ANKS1B: variants seen among roughly 807,000 people sequenced by gnomAD.
ANKS1B encodes ankyrin repeat and sterile alpha motif domain-containing protein 1B.
Under a neutral mutation model 148.3 loss-of-function variants are expected in ANKS1B, and 36 were observed. The ratio of observed to expected loss-of-function variants is 0.24; its 90% CI spans 0.19 to 0.32. The LOEUF (loss-of-function observed/expected upper bound fraction) is 0.32. Ranked by LOEUF, ANKS1B falls within the 10% of genes least tolerant of loss-of-function variation. The pLI, the probability that ANKS1B is intolerant of heterozygous loss-of-function variation, is 1.00. For synonymous variants in ANKS1B, 542 were observed against 560.8 expected, an observed-to-expected ratio of 0.97 and a Z score of 0.47; for missense variants, 1,157 against 1,542.6, an observed-to-expected ratio of 0.75 and a Z score of 4.19.
At chr12:99,323,724 G>C (rs2085763221) in intron 12 of ANKS1B, among the ~76,000 whole-genome samples, 1 of 152,088 alleles carries the variant, frequency 6.6e-6, no homozygotes, top group Non-Finnish European at 1.5e-5. Context: ...GAGTAAGATG[G>C]GACAGAGAAA....
chr12:99,672,233 CA>C (rs967984939), intron 8 of ANKS1B, among the ~76,000 whole-genome samples: 1 of 152,070 alleles, frequency 6.6e-6, no homozygotes, highest in African/African-American at 2.4e-5. Flanking sequence ...GTACCCAGGA[CA>C]ATCAAAGACA....
At chr12:99,350,109 T>C (rs978181165) in intron 12 of ANKS1B, among the ~76,000 whole-genome samples, 1 of 152,012 alleles carries the variant, frequency 6.6e-6, no homozygotes. Context: ...TTTGGTGCTG[T>C]TCTCATGATA....
intron 15 of ANKS1B, among the ~76,000 whole-genome samples, chr12:99,142,767 C>T (rs919496972): frequency 1.2e-4 from 18 of 152,256 alleles, no homozygotes; most frequent in African/African-American, 4.3e-4. Context: ...CTCCCTGCAA[C>T]AAGAACCTCA....
At chr12:98,841,845 T>C (rs2153726089) in intron 17 of ANKS1B, among the ~76,000 whole-genome samples, 1 of 152,074 alleles carries the variant, frequency 6.6e-6, no homozygotes, top group South Asian at 2.1e-4. Flanking sequence ...CCTTATCTTC[T>C]GGAGAGTCAC....
At chr12:99,641,467 G>A (rs1196672820) in intron 9 of ANKS1B, among the ~76,000 whole-genome samples, 1 of 152,138 alleles carries the variant, frequency 6.6e-6, no homozygotes, top group African/African-American at 2.4e-5. Context: ...CAGGTATGAG[G>A]AGGGTATGAT....
rs142946908 is a variant in ANKS1B, at chr12:99,504,785, G to C, written c.1273-144C>G. On this transcript the variant is annotated intron_variant, in intron 9 of 26. Transcript: ENST00000683438. ...GATTCATCTGTTTGAATAAATTATA[G>C]AATCATGTAAACCCAATATCAGTGA... 3.4e-3 allele frequency: 2,152 copies of C among 625,864 alleles called. 8 individuals are homozygous for C. Among genetic ancestry groups the C allele is most frequent in the Middle Eastern group, 0.011 (25 of 2,292 alleles). The allele number at this position is 625,864 out of a possible 1,614,324, so 38.8% of individuals were successfully genotyped here. A position where few individuals can be genotyped will look rare whatever the true frequency, so the allele number is the denominator to read the frequency against.
intron 11 of ANKS1B, among the ~76,000 whole-genome samples, chr12:99,429,760 G>A (rs2095331852): frequency 6.6e-6 from 1 of 151,978 alleles, no homozygotes; most frequent in South Asian, 2.1e-4. Flanking sequence ...TCAGGAGATT[G>A]AGACCATCCT....
intron 1 of ANKS1B, among the ~76,000 whole-genome samples, chr12:99,848,070 C>T (rs766623905): frequency 2.6e-5 from 4 of 152,022 alleles, no homozygotes; most frequent in Non-Finnish European, 5.9e-5. Flanking sequence ...CTGAGAGCCA[C>T]AGTCTGGCCA....
At chr12:99,750,826 C>T (rs1168335982) in intron 8 of ANKS1B, among the ~76,000 whole-genome samples, 1 of 152,018 alleles carries the variant, frequency 6.6e-6, no homozygotes, top group African/African-American at 2.4e-5. Context: ...TGAGGAGAGC[C>T]ACCTGCTGAT....
At chr12:99,462,575 C>T (rs557043140) in intron 10 of ANKS1B, among the ~76,000 whole-genome samples, 1 of 152,318 alleles carries the variant, frequency 6.6e-6, no homozygotes, top group Admixed American at 6.5e-5. Context: ...TTCTCAGTGG[C>T]CCCTTCTGCA....
intron 17 of ANKS1B, among the ~76,000 whole-genome samples, chr12:98,934,044 G>A (rs1006730467): frequency 6.6e-6 from 1 of 151,968 alleles, no homozygotes; most frequent in African/African-American, 2.4e-5. Flanking sequence ...TTTGTTCCCT[G>A]TGCCTTTTGT....
chr12:99,200,748 A>T (rs76295835), intron 14 of ANKS1B, among the ~76,000 whole-genome samples: 1 of 152,186 alleles, frequency 6.6e-6, no homozygotes, highest in Non-Finnish European at 1.5e-5. Flanking sequence ...CTATAAGACA[A>T]TGAAGATTCT....
rs147643868 is a variant in ANKS1B, at chr12:99,914,855, C to T, written c.134+69249G>A. Among the ~76,000 whole-genome samples the T allele has an allele frequency of 2.8e-3, 430 of 152,172 alleles. 2 individuals are homozygous for T. The highest frequency in any genetic ancestry group is 7.6e-3 in the African/African-American group (315 of 41,504). ...GAGACCTGGCAAAGGACATACCTGA[C>T]GGGGGTGCCTTCCTCCAGATCTGCC... is the stretch of plus-strand genomic sequence containing the variant. On this transcript the variant is annotated intron_variant, in intron 1 of 26. Coordinates refer to ENST00000683438, the MANE Select transcript of ANKS1B (RefSeq NM_001352186.2).
intron 12 of ANKS1B, among the ~76,000 whole-genome samples, chr12:99,247,415 T>G (rs960654406): frequency 6.6e-6 from 1 of 152,224 alleles, no homozygotes; most frequent in Non-Finnish European, 1.5e-5. Context: ...AAAATAATTC[T>G]ATGCAGATTA....
chr12:99,684,368 C>CAAAAAAAAAAAAAAAAAAAAA (rs572669891), intron 8 of ANKS1B, among the ~76,000 whole-genome samples: 1 of 82,554 alleles, frequency 1.2e-5, no homozygotes. Context: ...ACAACAGCTG[C>CAAAAAAAAAAAAAAAAAAAAA]AAAAAAAAAA....
intron 9 of ANKS1B, among the ~76,000 whole-genome samples, chr12:99,515,937 G>A (rs1253865792): frequency 6.6e-6 from 1 of 152,024 alleles, no homozygotes; most frequent in African/African-American, 2.4e-5. Flanking sequence ...CTTTTCATAT[G>A]CCTGTTTGCC....
chr12:98,740,408 C>T (rs2097792412), downstream of ANKS1B, among the ~76,000 whole-genome samples: 1 of 152,196 alleles, frequency 6.6e-6, no homozygotes, highest in South Asian at 2.1e-4. Context: ...CCCCTTTGTG[C>T]CTGCTCTGCC....
chr12:99,236,767 C>T (rs1380442723), intron 14 of ANKS1B, among the ~76,000 whole-genome samples: 1 of 152,114 alleles, frequency 6.6e-6, no homozygotes, highest in East Asian at 1.9e-4. Flanking sequence ...CCAGCTTTGA[C>T]CATTAAAAAG....
At chr12:99,369,628 TC>T (rs1232750803) in intron 12 of ANKS1B, among the ~76,000 whole-genome samples, 1 of 115,180 alleles carries the variant, frequency 8.7e-6, no homozygotes, top group Non-Finnish European at 1.7e-5. Context: ...AAGAGAATGC[TC>T]TTTTCTATAT....
Sources: gnomAD v4.1 joint callset for allele counts (sites outside exome capture counted in the v4.1 genomes callset) on GRCh38, gnomAD v4.1.1 for gene constraint, MANE v1.5 for transcripts, NCBI Gene and HGNC (gene_info 2026-07-23, HGNC 2026-07-21) for gene names.